Variants in GABRA6 observed in about 807,000 individuals in gnomAD.
GABRA6 encodes gamma-aminobutyric acid receptor subunit alpha-6.
In GABRA6, 45 loss-of-function variants were observed where a neutral mutation model predicts 47.3. That is an observed-to-expected ratio of 0.95 (90% confidence interval 0.75 to 1.22). GABRA6 has a LOEUF of 1.22. GABRA6 is among the 50% of genes most tolerant of loss of function. GABRA6 has a pLI of 0.00. For synonymous variants in GABRA6, 219 were observed against 194.7 expected, an observed-to-expected ratio of 1.12 and a Z score of -1.04; for missense variants, 583 against 549.3, an observed-to-expected ratio of 1.06 and a Z score of -0.61.
In GABRA6 at chr5:161,695,967, G is replaced by A. The variant is rs753904674; in HGVS notation, c.1086+3767G>A. 6.0e-4 allele frequency among the ~76,000 whole-genome samples: 92 copies of A among 152,220 alleles called. 4 individuals are homozygous for A. Among genetic ancestry groups the A allele is most frequent in the Non-Finnish European group, 3.5e-4 (24 of 68,016 alleles). ...GATATCAGAGGGCCTCTTCCCTCATGGAGCTTCTTGTCCAGCAGGAAGTGA... is the reference window on the plus strand; with the variant it reads ...GATATCAGAGGGCCTCTTCCCTCATAGAGCTTCTTGTCCAGCAGGAAGTGA... On this transcript the variant is annotated intron_variant, in intron 8 of 8. Transcript: ENST00000274545.
At chr5:161,687,836 G>T (rs1243528935) in intron 3 of GABRA6, among the ~76,000 whole-genome samples, 2 of 152,146 alleles carry the variant, frequency 1.3e-5, no homozygotes, top group East Asian at 3.9e-4. Context: ...AAAGGAAGAA[G>T]AGAAAGGGAT....
chr5:161,695,973 T>C (rs1298865517), intron 8 of GABRA6, among the ~76,000 whole-genome samples: 1 of 152,154 alleles, frequency 6.6e-6, no homozygotes, highest in Non-Finnish European at 1.5e-5. Flanking sequence ...TCATGGAGCT[T>C]CTTGTCCAGC....
chr5:161,695,120 G>A (rs1161879661), intron 8 of GABRA6, among the ~76,000 whole-genome samples: 1 of 152,108 alleles, frequency 6.6e-6, no homozygotes, highest in Non-Finnish European at 1.5e-5. Context: ...GTGATTCTAT[G>A]TTGTATATTT....
rs1754987380 is a variant in GABRA6 at position 161,701,833 on chromosome 5, T to TA, written c.*66dup. On this transcript the variant is annotated 3_prime_UTR_variant, in exon 9 of 9. Coordinates refer to ENST00000274545, the MANE Select transcript of GABRA6 (RefSeq NM_000811.3). ...TTGTTTTCTGTTTCCTATGTTTTCT[T>TA]AAAAAATAGCATTGAGACTTGTGTA... The TA allele has an allele frequency of 2.6e-6, 4 of 1,552,592 alleles. No homozygotes were observed. Among genetic ancestry groups the TA allele is most frequent in the East Asian group, 4.5e-5 (2 of 44,558 alleles).
At chr5:161,689,614 T>C (rs1201941625) in intron 5 of GABRA6, 22 bp from the exon 6 acceptor site, 1 of 1,593,290 alleles carries the variant, frequency 6.3e-7, no homozygotes, top group Non-Finnish European at 8.6e-7. Flanking sequence ...ACTGCTATAT[T>C]TAATTTGTTT....
At position 161,685,769 on chromosome 5, in the gene GABRA6, C is replaced by A; in HGVS notation, c.-221C>A. ...CAGGACATAATCTAAGACCACAAAC[C>A]ACCTTGTTCCACGTGAGAAGGAAAC... On this transcript the variant is annotated 5_prime_UTR_variant, in exon 1 of 9. Transcript: ENST00000274545. 6 of 605,136 alleles carry A rather than the reference C, an allele frequency of 9.9e-6. No individual in the cohort carries two copies. Among genetic ancestry groups the A allele is most frequent in the Non-Finnish European group, 2.9e-6 (1 of 339,962 alleles). 37.5% of individuals were successfully genotyped at this position (605,136 alleles called of 1,614,324 possible). A position where few individuals can be genotyped will look rare whatever the true frequency, so the allele number is the denominator to read the frequency against.
chr5:161,694,455 C>A (rs1235808047), intron 8 of GABRA6, among the ~76,000 whole-genome samples: 1 of 151,822 alleles, frequency 6.6e-6, no homozygotes, highest in Non-Finnish European at 1.5e-5. Flanking sequence ...GATTTCAAAT[C>A]CTTGGAGAAA....
chr5:161,688,773 A>G (rs1754741197), intron 3 of GABRA6, among the ~76,000 whole-genome samples, 176 bp from the exon 4 acceptor site: 1 of 152,192 alleles, frequency 6.6e-6, no homozygotes, highest in East Asian at 1.9e-4. Flanking sequence ...TAACAATGCA[A>G]ACTTTCTGAG....
At position 161,687,296 on chromosome 5, in the gene GABRA6, G is replaced by A. The variant is rs897557872; in HGVS notation, c.225+293G>A. 2.5e-5 allele frequency: 11 copies of A among 431,582 alleles called. No individual in the cohort carries two copies. In the East Asian group the frequency reaches 5.6e-4, roughly 22 times the overall value. The allele number at this position is 431,582 out of a possible 1,614,324, so 26.7% of individuals were successfully genotyped here. On this transcript the variant is annotated intron_variant, in intron 3 of 8. Transcript: ENST00000274545. ...AGAGAAGAGATTTTCCCCTTTCTTT[G>A]TGAAGCTCCAGCAAATTTATTGGAG...
chr5:161,688,963 T>C lies in GABRA6; in HGVS notation c.240T>C (p.Asp80=). The part of the protein sequence containing the change: ...VSDVEMEYTM[D]VFFRQTWTDE... ...TTTTCTCTTAGGAGTATACGATGGA[T>C]GTTTTTTTCCGCCAGACCTGGACTG... The change falls in exon 4 of 9, where the codon GAT becomes GAC. Residue 80 remains aspartate (D), a synonymous_variant. Coordinates refer to ENST00000274545, the MANE Select transcript of GABRA6 (RefSeq NM_000811.3). 6.2e-7 allele frequency: 1 copy of C among 1,613,636 alleles called. No homozygotes were observed. Among genetic ancestry groups the C allele is most frequent in the Non-Finnish European group, 8.5e-7 (1 of 1,179,630 alleles).
At chr5:161,687,629 C>G in intron 3 of GABRA6, 1 of 414,494 alleles carries the variant, frequency 2.4e-6, no homozygotes, top group South Asian at 1.7e-5. Flanking sequence ...TTTTACGGTT[C>G]TCAGGTGGCA....
rs1754996906 is a variant in GABRA6 at position 161,702,317 on chromosome 5, G to T, written c.*544G>T. On this transcript the variant is annotated 3_prime_UTR_variant, in exon 9 of 9. Transcript: ENST00000274545. ...AGCCATTTGTTTTTAACCTCGCTGT[G>T]CTCTTTTACCTCAATAAAATGTGGT... 6.3e-6 allele frequency: 1 copy of T among 159,826 alleles called. No homozygotes were observed. The highest frequency in any genetic ancestry group is 6.0e-5 in the Admixed American group (1 of 16,802). 9.9% of individuals were successfully genotyped at this position (159,826 alleles called of 1,614,324 possible). A position where few individuals can be genotyped will look rare whatever the true frequency, so the allele number is the denominator to read the frequency against.
intron 2 of GABRA6, 47 bp downstream of exon 2, chr5:161,686,395 T>C: frequency 7.0e-7 from 1 of 1,428,448 alleles, no homozygotes; most frequent in Non-Finnish European, 9.9e-7. Flanking sequence ...GTTTCCTTCC[T>C]CCGTTTCTGC....
chr5:161,685,732 C>A lies in GABRA6; in HGVS notation c.-258C>A, dbSNP rs540019322. On this transcript the variant is annotated 5_prime_UTR_variant, in exon 1 of 9. Transcript: ENST00000274545. ...TTCCCAACTGAGTCAGTCAGAGGAG[C>A]CTGGGTGTCTGCAGGACATAATCTA... is the stretch of plus-strand genomic sequence containing the variant. The A allele has an allele frequency of 4.5e-4, 253 of 567,792 alleles. No homozygotes were observed. The highest frequency in any genetic ancestry group is 1.3e-3 in the Middle Eastern group (3 of 2,254). 35.2% of individuals were successfully genotyped at this position (567,792 alleles called of 1,614,324 possible).
Position 161,686,009 on chromosome 5 carries a change from G to T in GABRA6, c.20G>T (p.Trp7Leu). Residue 7 changes from tryptophan to leucine, a missense_variant, in exon 1 of 9, where the codon TGG (tryptophan) becomes TTG (leucine). By Grantham distance (61) the Trp-to-Leu change is moderately conservative. Coordinates refer to ENST00000274545, the MANE Select transcript of GABRA6 (RefSeq NM_000811.3). MASSLP[W>L]LCIILWLENA... ...TGCAGGATGGCGTCGTCTCTGCCCT[G>T]GCTGTGCATTATTCTGTGGTGAGTA... is the stretch of plus-strand genomic sequence containing the variant. 1 of 1,613,938 alleles carries T rather than the reference G, an allele frequency of 6.2e-7. No individual in the cohort carries two copies. Among genetic ancestry groups the T allele is most frequent in the Non-Finnish European group, 8.5e-7 (1 of 1,179,848 alleles).
intron 8 of GABRA6, among the ~76,000 whole-genome samples, chr5:161,700,364 T>G (rs1029872589): frequency 6.6e-6 from 1 of 152,194 alleles, no homozygotes; most frequent in Admixed American, 6.5e-5. Flanking sequence ...AGCAAGTGTT[T>G]GAAGGCAGAG....
chr5:161,687,303 T>G, intron 3 of GABRA6: 1 of 424,150 alleles, frequency 2.4e-6, no homozygotes, highest in Non-Finnish European at 4.4e-6. Flanking sequence ...TTTGTGAAGC[T>G]CCAGCAAATT....
At chr5:161,686,141 A>G (rs905119195) in intron 1 of GABRA6, 89 bp from the exon 2 acceptor site, 13 of 1,369,260 alleles carry the variant, frequency 9.5e-6, no homozygotes, top group Non-Finnish European at 1.4e-5. Flanking sequence ...GTGGTGTTGC[A>G]TGTATTTGTA....
In GABRA6 at chr5:161,689,670, GA is replaced by G; in HGVS notation, c.570del (p.Gly191AspfsTer6). ...CCAAAAGTGAAATCATATATACGTG[GA>G]AAAAAGGACCACTTTACTCAGTAGA... ...YPKSEIIYTW[K>X]KGPLYSVEVP... On this transcript the variant is annotated frameshift_variant, in exon 6 of 9. Transcript: ENST00000274545. LOFTEE classifies it high-confidence loss of function. 1 of 1,610,266 alleles carries G rather than the reference GA, an allele frequency of 6.2e-7. No individual in the cohort carries two copies. Among genetic ancestry groups the G allele is most frequent in the Non-Finnish European group, 8.5e-7 (1 of 1,176,776 alleles).
Sources: gnomAD v4.1 joint callset for allele counts (sites outside exome capture counted in the v4.1 genomes callset) on GRCh38, gnomAD v4.1.1 for gene constraint, MANE v1.5 for transcripts, NCBI Gene and HGNC (gene_info 2026-07-23, HGNC 2026-07-21) for gene names.